The following CNOT10 variants were observed in gnomAD, a reference collection of about 807,000 sequenced individuals.
CNOT10 encodes CCR4-NOT transcription complex subunit 10.
CNOT10 carries 30 observed loss-of-function variants against 94.6 expected under a neutral mutation model. That is an observed-to-expected ratio of 0.32 (90% CI 0.24 to 0.43). The LOEUF is 0.43. Ranked by LOEUF, CNOT10 falls within the 20% of genes least tolerant of loss-of-function variation. CNOT10 has a pLI of 1.00. For synonymous variants in CNOT10, 289 were observed against 301.6 expected (o/e 0.96, Z 0.43); for missense variants, 759 against 877.2 (o/e 0.87, Z 1.70).
At chr3:32,716,709 G>A (rs1293799628) in intron 6 of CNOT10, among the ~76,000 whole-genome samples, 6 of 152,114 alleles carry the variant, frequency 3.9e-5, no homozygotes, top group Non-Finnish European at 8.8e-5. Flanking sequence ...GTGCAATGGT[G>A]CGATCTCGGC....
intron 17 of CNOT10, among the ~76,000 whole-genome samples, chr3:32,767,386 G>A (rs1246704319): frequency 1.3e-5 from 2 of 152,006 alleles, no homozygotes; most frequent in African/African-American, 4.8e-5. Context: ...GGGCGTGGTA[G>A]CACATGCCTG....
intron 12 of CNOT10, among the ~76,000 whole-genome samples, chr3:32,737,011 T>G (rs1185756995): frequency 6.6e-6 from 1 of 152,166 alleles, no homozygotes; most frequent in Non-Finnish European, 1.5e-5. Context: ...TACACTTTTG[T>G]TGTAAAAAGT....
At position 32,720,789 on chromosome 3, in the gene CNOT10, T is replaced by C. The variant is rs144425604; in HGVS notation, c.862+558T>C. The stretch of plus-strand genomic sequence containing the variant: ...CATGCACCACTGTGCCTGGCCCAGA[T>C]AGCTTGTCTTTTTTCTTTAACCTGA... On this transcript the variant is annotated intron_variant, in intron 8 of 18. Transcript: ENST00000328834. 4.1e-3 allele frequency among the ~76,000 whole-genome samples: 629 copies of C among 152,016 alleles called. 3 individuals are homozygous for C. The highest frequency in any genetic ancestry group is 0.015 in the African/African-American group (605 of 41,470).
intron 13 of CNOT10, among the ~76,000 whole-genome samples, chr3:32,739,967 A>G (rs763423127): frequency 6.6e-6 from 1 of 152,180 alleles, no homozygotes; most frequent in Non-Finnish European, 1.5e-5. Context: ...GTGATGTTGC[A>G]TGCCTGTGGT....
In CNOT10 at chr3:32,702,097, C is replaced by CTTTT. The variant is rs71630535; in HGVS notation, c.23-1759_23-1756dup. On this transcript the variant is annotated intron_variant, in intron 1 of 18. Coordinates refer to ENST00000328834, the MANE Select transcript of CNOT10 (RefSeq NM_015442.3). ...ACGGGCGTGAGCCACCACACCTGGC[C>CTTTT]TTTTTTTTTTTTTTTCTCAAGACAG... Among the ~76,000 whole-genome samples the CTTTT allele has an allele frequency of 5.8e-5, 8 of 138,196 alleles. No homozygotes were observed. In the South Asian group the frequency reaches 1.1e-3, roughly 20 times the overall value. The allele number at this position is 138,196 out of a possible 152,430, so 90.7% of individuals were successfully genotyped here. A position where few individuals can be genotyped will look rare whatever the true frequency, so the allele number is the denominator to read the frequency against.
chr3:32,753,166 A>G (rs186913666), intron 13 of CNOT10: 47 of 629,216 alleles, frequency 7.5e-5, no homozygotes, highest in Admixed American at 5.7e-4. Context: ...GAAAAGGAAC[A>G]TGTGAATACT....
chr3:32,689,371 AAAAG>A (rs1195957547), intron 1 of CNOT10, among the ~76,000 whole-genome samples: 1 of 151,792 alleles, frequency 6.6e-6, no homozygotes, highest in African/African-American at 2.4e-5. Flanking sequence ...AAAAAAAAGA[AAAAG>A]AAAAAAAAGA....
chr3:32,701,510 G>A (rs865799182), intron 1 of CNOT10, among the ~76,000 whole-genome samples: 3 of 152,140 alleles, frequency 2.0e-5, no homozygotes, highest in Non-Finnish European at 2.9e-5. Context: ...GTTAGGGGAG[G>A]GACCTGGTGG....
At chr3:32,730,609 C>T (rs1291939045) in intron 10 of CNOT10, 2 of 152,096 alleles carry the variant, frequency 1.3e-5, no homozygotes, top group African/African-American at 4.8e-5. Flanking sequence ...AATCCCAATA[C>T]GAGTAATTGT....
At chr3:32,722,912 A>G (rs541445959) in intron 8 of CNOT10, among the ~76,000 whole-genome samples, 1 of 152,056 alleles carries the variant, frequency 6.6e-6, no homozygotes, top group Non-Finnish European at 1.5e-5. Flanking sequence ...GGTGTGAGCC[A>G]CCGAGCTCAG....
At chr3:32,743,608 T>C (rs1397046459) in intron 13 of CNOT10, among the ~76,000 whole-genome samples, 7 of 152,156 alleles carry the variant, frequency 4.6e-5, no homozygotes, top group Admixed American at 4.6e-4. Flanking sequence ...TACTCCAGCC[T>C]GGGAGACAGA....
At position 32,769,879 on chromosome 3, in the gene CNOT10, G is replaced by T; in HGVS notation, c.2005-8G>T. 6.2e-7 allele frequency: 1 copy of T among 1,613,020 alleles called. No homozygotes were observed. The highest frequency in any genetic ancestry group is 8.5e-7 in the Non-Finnish European group (1 of 1,179,144). On this transcript the variant is annotated splice_region_variant and splice_polypyrimidine_tract_variant and intron_variant, in intron 17 of 18. Coordinates refer to ENST00000328834, the MANE Select transcript of CNOT10 (RefSeq NM_015442.3). ...TTTTTCACGGGCATCTTTCTGTTTT[G>T]AGCAAAGGCGGCTTCAATGATCCAT...
chr3:32,711,294 A>G (rs1697879758), intron 4 of CNOT10, among the ~76,000 whole-genome samples: 1 of 152,212 alleles, frequency 6.6e-6, no homozygotes, highest in African/African-American at 2.4e-5. Flanking sequence ...ATTTACATAC[A>G]GTCTCTGTGT....
chr3:32,713,133 A>C, intron 4 of CNOT10, 94 bp from the exon 5 acceptor site: 1 of 1,006,586 alleles, frequency 9.9e-7, no homozygotes, highest in Non-Finnish European at 1.4e-6. Context: ...ATGCTTTGCT[A>C]TTTAAAGCTT....
At position 32,695,966 on chromosome 3, in the gene CNOT10, AGAGTGT is replaced by A. The variant is rs1273864795; in HGVS notation, c.23-7900_23-7895del. On this transcript the variant is annotated intron_variant, in intron 1 of 18. Transcript: ENST00000328834. ...GAAAATAAAAATAATCCTGTTGAAG[AGAGTGT>A]GTGTGTGTGTGTGTGTGTGTGTGTG... 462 of 616,586 alleles carry A rather than the reference AGAGTGT, an allele frequency of 7.5e-4. 3 individuals carry two copies. Among genetic ancestry groups the A allele is most frequent in the African/African-American group, 5.0e-3 (223 of 44,194 alleles). The allele number at this position is 616,586 out of a possible 1,614,324, so 38.2% of individuals were successfully genotyped here.
intron 1 of CNOT10, chr3:32,695,743 CGGTCGT>C: frequency 6.5e-7 from 1 of 1,535,752 alleles, no homozygotes; most frequent in South Asian, 1.2e-5. Context: ...TATGGGTGAA[CGGTCGT>C]ATACTCTTTC....
intron 13 of CNOT10, among the ~76,000 whole-genome samples, chr3:32,747,374 G>C (rs1699746127): frequency 6.6e-6 from 1 of 152,122 alleles, no homozygotes; most frequent in Admixed American, 6.6e-5. Context: ...AGTGAGCCCA[G>C]ATGGTGCCAT....
chr3:32,705,942 A>G (rs1325505371), intron 3 of CNOT10, among the ~76,000 whole-genome samples: 2 of 152,210 alleles, frequency 1.3e-5, no homozygotes, highest in African/African-American at 2.4e-5. Context: ...ACTGGGTGCC[A>G]AATTCTGTAT....
intron 14 of CNOT10, 99 bp from the exon 15 acceptor site, chr3:32,762,634 T>C: frequency 1.6e-6 from 2 of 1,227,950 alleles, no homozygotes; most frequent in Non-Finnish European, 2.3e-6. Context: ...ATGAGACCTA[T>C]ATCCAATGTA....
Sources: gnomAD v4.1 joint callset for allele counts (sites outside exome capture counted in the v4.1 genomes callset) on GRCh38, gnomAD v4.1.1 for gene constraint, MANE v1.5 for transcripts, NCBI Gene and HGNC (gene_info 2026-07-23, HGNC 2026-07-21) for gene names.